Variants in NAALADL2 observed in about 807,000 individuals in gnomAD.
NAALADL2 encodes inactive N-acetylated-alpha-linked acidic dipeptidase-like protein 2.
In NAALADL2, 76 loss-of-function variants were observed where a neutral mutation model predicts 87.2. The observed-to-expected ratio is 0.87, with a 90% CI of 0.72 to 1.05. The LOEUF is 1.05. NAALADL2 is among the 50% of genes least tolerant of loss of function. NAALADL2 has a pLI of 0.00. For synonymous variants in NAALADL2, 354 were observed against 331.0 expected (o/e 1.07, Z -0.75); for missense variants, 1,089 against 945.8 (o/e 1.15, Z -1.99).
intron 3 of NAALADL2, among the ~76,000 whole-genome samples, chr3:174,820,840 A>T (rs537837728): frequency 2.6e-4 from 39 of 147,810 alleles, no homozygotes; most frequent in Admixed American, 7.4e-4. Flanking sequence ...TGTTTTTTTA[A>T]AAAAAAACAT....
intron 11 of NAALADL2, among the ~76,000 whole-genome samples, chr3:175,652,394 C>T (rs948186365): frequency 6.6e-6 from 1 of 151,960 alleles, no homozygotes; most frequent in African/African-American, 2.4e-5. Context: ...CCACCAAATA[C>T]AAATTCCATA....
intron 1 of NAALADL2, among the ~76,000 whole-genome samples, chr3:175,093,305 G>A (rs2108338515): frequency 6.6e-6 from 1 of 151,248 alleles, no homozygotes; most frequent in Admixed American, 6.6e-5. Context: ...TTTTAAGACA[G>A]CTACATTCTT....
intron 3 of NAALADL2, among the ~76,000 whole-genome samples, chr3:174,776,155 A>G (rs948121800): frequency 6.6e-6 from 1 of 152,148 alleles, no homozygotes; most frequent in Admixed American, 6.6e-5. Flanking sequence ...CAAGACAAAT[A>G]TTTCTTATTT....
At chr3:175,784,658 C>T (rs1274915613) in intron 13 of NAALADL2, among the ~76,000 whole-genome samples, 331 of 136,462 alleles carry the variant, frequency 2.4e-3, no homozygotes, top group Middle Eastern at 7.8e-3. Flanking sequence ...AAACCAGCTC[C>T]TGGATTCATT....
intron 2 of NAALADL2, among the ~76,000 whole-genome samples, chr3:175,155,724 TTC>T (rs1732214788): frequency 6.6e-6 from 1 of 152,202 alleles, no homozygotes; most frequent in Admixed American, 6.6e-5. Flanking sequence ...GTAGCCAGTG[TTC>T]CCCAATAACT....
rs1727395023 is a variant in NAALADL2 at position 175,487,148 on chromosome 3, AC to A, written c.1653+15391del. 2.6e-5 allele frequency among the ~76,000 whole-genome samples: 4 copies of A among 152,078 alleles called. No homozygotes were observed. In the South Asian group the frequency reaches 8.3e-4, roughly 32 times the overall value. On this transcript the variant is annotated intron_variant, in intron 9 of 13. Coordinates refer to ENST00000454872, the MANE Select transcript of NAALADL2 (RefSeq NM_207015.3). The stretch of plus-strand genomic sequence containing the variant: ...CCTTCTTACTTGACTGACCCTATCT[AC>A]TACTCTCCCCTTTGCTCACTCTGTT...
At chr3:175,418,620 G>A (rs1226255795) in intron 5 of NAALADL2, among the ~76,000 whole-genome samples, 1 of 152,054 alleles carries the variant, frequency 6.6e-6, no homozygotes, top group African/African-American at 2.4e-5. Flanking sequence ...GTGGAAGATG[G>A]CATGCCAGCC....
At chr3:175,775,826 G>A (rs908707512) in intron 13 of NAALADL2, among the ~76,000 whole-genome samples, 1 of 152,114 alleles carries the variant, frequency 6.6e-6, no homozygotes, top group Non-Finnish European at 1.5e-5. Context: ...GGCTAGAAGA[G>A]TTGTAGCAGT....
rs534536488 is a variant in NAALADL2, at chr3:175,172,649, G to T, written c.546-61282G>T. 2.0e-4 allele frequency among the ~76,000 whole-genome samples: 30 copies of T among 152,200 alleles called. No homozygotes were observed. The South Asian group carries it at 6.2e-3, about 32-fold the overall frequency. On this transcript the variant is annotated intron_variant, in intron 2 of 13. Transcript: ENST00000454872. ...GAAACATACATGAGTAAGACACAAAGTTGCTTATGACTTATGTTAATACAT... is the reference window on the plus strand; with the variant it reads ...GAAACATACATGAGTAAGACACAAATTTGCTTATGACTTATGTTAATACAT...
chr3:175,589,331 G>A (rs1222864274), intron 10 of NAALADL2, among the ~76,000 whole-genome samples: 1 of 76,048 alleles, frequency 1.3e-5, no homozygotes, highest in African/African-American at 5.0e-5. Context: ...ATAAATCAAT[G>A]TATGGATACA....
intron 5 of NAALADL2, among the ~76,000 whole-genome samples, chr3:175,328,531 A>G (rs1761021727): frequency 6.6e-6 from 1 of 152,162 alleles, no homozygotes; most frequent in Non-Finnish European, 1.5e-5. Flanking sequence ...GCTCAAAGTA[A>G]TCTTGCTATA....
intron 5 of NAALADL2, among the ~76,000 whole-genome samples, chr3:175,402,745 C>T (rs1000000179): frequency 6.6e-6 from 1 of 151,894 alleles, no homozygotes; most frequent in Non-Finnish European, 1.5e-5. Flanking sequence ...CTGGGAAACC[C>T]TTTGTAATAC....
rs750333229 is a variant in NAALADL2, at chr3:175,096,954, G to A, written c.208G>A (p.Glu70Lys). The part of the protein sequence containing the change: ...GFDQFQLDGA[E>K]NQNLGHSETI... Reference sequence around the variant, plus strand: ...TGACCAATTCCAGCTAGACGGTGCTGAGAATCAGAACCTAGGGCATTCAGA... The same window carrying A: ...TGACCAATTCCAGCTAGACGGTGCTAAGAATCAGAACCTAGGGCATTCAGA... The change falls in exon 2 of 14, where the codon GAG becomes AAG. Residue 70 changes from glutamate to lysine, a missense_variant. Physicochemically the swap from Glu to Lys is moderately conservative, Grantham distance 56 (BLOSUM62 1). Coordinates refer to ENST00000454872, the MANE Select transcript of NAALADL2 (RefSeq NM_207015.3). The A allele has an allele frequency of 2.5e-6, 4 of 1,613,294 alleles. No individual in the cohort carries two copies. The highest frequency in any genetic ancestry group is 1.1e-5 in the South Asian group (1 of 91,068).
chr3:175,569,026 T>G (rs1052192747), intron 9 of NAALADL2, among the ~76,000 whole-genome samples: 1 of 152,220 alleles, frequency 6.6e-6, no homozygotes, highest in Non-Finnish European at 1.5e-5. Flanking sequence ...AATGGAATGT[T>G]GAATTTCAGT....
rs57781348 is a variant in NAALADL2 at position 174,874,477 on chromosome 3, G to A, written c.43+15027G>A. ...GGTGCACCTCAAAGTGATTAAGAAT[G>A]TAAGGGCTGACAAAACATGTGTGAT... On this transcript the variant is annotated intron_variant, in intron 1 of 13. Coordinates refer to ENST00000454872, the MANE Select transcript of NAALADL2 (RefSeq NM_207015.3). Among the ~76,000 whole-genome samples the A allele has an allele frequency of 4.7e-3, 723 of 152,220 alleles. 7 individuals are homozygous for A. The highest frequency in any genetic ancestry group is 0.017 in the African/African-American group (690 of 41,542).
intron 1 of NAALADL2, among the ~76,000 whole-genome samples, chr3:174,999,008 A>G (rs932867692): frequency 2.0e-5 from 3 of 152,188 alleles, no homozygotes; most frequent in African/African-American, 7.2e-5. Context: ...TAAAGACATT[A>G]TGATGACTGC....
intron 1 of NAALADL2, among the ~76,000 whole-genome samples, chr3:174,473,614 A>G (rs1717040681): frequency 6.6e-6 from 1 of 152,198 alleles, no homozygotes; most frequent in Non-Finnish European, 1.5e-5. Context: ...TATTAAATTC[A>G]TAATCAAGAG....
chr3:175,205,806 C>T, intron 2 of NAALADL2, among the ~76,000 whole-genome samples: 1 of 149,294 alleles, frequency 6.7e-6, no homozygotes, highest in African/African-American at 2.5e-5. Context: ...AGACAATTCT[C>T]AAAAGAAGAT....
intron 1 of NAALADL2, among the ~76,000 whole-genome samples, chr3:174,899,503 C>T (rs1296580092): frequency 2.0e-5 from 3 of 152,114 alleles, no homozygotes; most frequent in Non-Finnish European, 4.4e-5. Flanking sequence ...GTGTGTGGCA[C>T]CTCCACAGTC....
Sources: gnomAD v4.1 joint callset for allele counts (sites outside exome capture counted in the v4.1 genomes callset) on GRCh38, gnomAD v4.1.1 for gene constraint, MANE v1.5 for transcripts, NCBI Gene and HGNC (gene_info 2026-07-23, HGNC 2026-07-21) for gene names.